SMYD3: variants seen among roughly 807,000 people sequenced by gnomAD.
SMYD3 encodes histone-lysine N-methyltransferase SMYD3.
Under a neutral mutation model 57.7 loss-of-function variants are expected in SMYD3, and 36 were observed. The observed-to-expected ratio is 0.62, with a 90% CI of 0.48 to 0.82. The LOEUF (loss-of-function observed/expected upper bound fraction) is 0.82, where lower values mean the gene tolerates loss of function less well. Among genes scored for constraint, SMYD3 ranks in the 40% least tolerant of loss-of-function variants. The pLI is 0.00. For missense variants in SMYD3, 515 were observed against 538.8 expected (o/e 0.96, Z 0.44); for synonymous variants, 211 against 195.0 (o/e 1.08, Z -0.68).
chr1:246,019,735 T>A (rs1172397784), intron 5 of SMYD3, among the ~76,000 whole-genome samples: 1 of 152,098 alleles, frequency 6.6e-6, no homozygotes, highest in Admixed American at 6.5e-5. Flanking sequence ...TTTTTTCAAA[T>A]CCTATAAGGC....
chr1:246,495,256 G>A (rs1037756555), intron 1 of SMYD3, among the ~76,000 whole-genome samples: 1 of 148,936 alleles, frequency 6.7e-6, no homozygotes, highest in Admixed American at 6.9e-5. Context: ...GGCTGAGGCA[G>A]GAGAATGGCA....
intron 5 of SMYD3, among the ~76,000 whole-genome samples, chr1:246,307,512 C>A (rs1393070408): frequency 1.3e-5 from 2 of 149,486 alleles, no homozygotes; most frequent in Non-Finnish European, 3.0e-5. Context: ...CTCCGCCTCC[C>A]GGGTTCACGC....
At chr1:246,247,469 A>C (rs56157420) in intron 5 of SMYD3, among the ~76,000 whole-genome samples, 19,332 of 127,488 alleles carry the variant, frequency 0.15, 1,433 homozygotes, top group Middle Eastern at 0.29. Flanking sequence ...CTCTCTCTAT[A>C]TATATATATA....
chr1:245,852,677 C>G (rs1240104162), intron 10 of SMYD3, among the ~76,000 whole-genome samples: 1 of 152,166 alleles, frequency 6.6e-6, no homozygotes, highest in African/African-American at 2.4e-5. Context: ...CCCTCTTTCT[C>G]TATTTTCCCC....
chr1:246,091,173 T>C (rs2060817233), intron 5 of SMYD3, among the ~76,000 whole-genome samples: 1 of 152,158 alleles, frequency 6.6e-6, no homozygotes, highest in Non-Finnish European at 1.5e-5. Context: ...CCAGCACCCA[T>C]GGGTTGCTGG....
chr1:245,984,886 C>G (rs996387918), intron 5 of SMYD3, among the ~76,000 whole-genome samples: 3 of 152,136 alleles, frequency 2.0e-5, no homozygotes, highest in Non-Finnish European at 1.5e-5. Context: ...AGAATGTTCT[C>G]CATACACCAC....
At chr1:246,470,500 A>T (rs1249594840) in intron 1 of SMYD3, among the ~76,000 whole-genome samples, 2 of 49,874 alleles carry the variant, frequency 4.0e-5, no homozygotes, top group Non-Finnish European at 1.0e-4. Context: ...GTCTAAAAAT[A>T]AAAAAAAATT....
chr1:246,317,948 T>C (rs1209322227), intron 5 of SMYD3, among the ~76,000 whole-genome samples: 1 of 152,214 alleles, frequency 6.6e-6, no homozygotes, highest in Non-Finnish European at 1.5e-5. Flanking sequence ...TTATTCATCA[T>C]TCCTTGAAGA....
chr1:246,505,755 C>T (rs1225791565), intron 1 of SMYD3, among the ~76,000 whole-genome samples: 1 of 152,228 alleles, frequency 6.6e-6, no homozygotes, highest in Non-Finnish European at 1.5e-5. Flanking sequence ...GTTTGTGTAG[C>T]TTATTTTGGA....
intron 5 of SMYD3, among the ~76,000 whole-genome samples, chr1:246,291,649 A>G (rs1279599778): frequency 6.6e-6 from 1 of 152,220 alleles, no homozygotes; most frequent in Non-Finnish European, 1.5e-5. Context: ...ATATGTCTGG[A>G]CCTATGTTCA....
intron 5 of SMYD3, among the ~76,000 whole-genome samples, chr1:245,941,439 G>C (rs1163762921): frequency 1.3e-5 from 2 of 152,178 alleles, no homozygotes; most frequent in African/African-American, 2.4e-5. Context: ...CACGTACAAA[G>C]GGAAGCCCAT....
chr1:245,880,366 C>CCTGG (rs1290246510), intron 8 of SMYD3, among the ~76,000 whole-genome samples: 1 of 152,138 alleles, frequency 6.6e-6, no homozygotes, highest in African/African-American at 2.4e-5. Flanking sequence ...TATATAGGTT[C>CCTGG]CTGGCTGGCT....
At chr1:246,378,666 T>C (rs570562223) in intron 1 of SMYD3, among the ~76,000 whole-genome samples, 59 of 86,744 alleles carry the variant, frequency 6.8e-4, no homozygotes, top group African/African-American at 1.1e-3. Context: ...CACACACACA[T>C]ATATATATAC....
intron 1 of SMYD3, among the ~76,000 whole-genome samples, chr1:246,490,585 G>A (rs190912054): frequency 3.9e-5 from 6 of 152,254 alleles, no homozygotes; most frequent in East Asian, 1.9e-4. Context: ...CCGACCAATC[G>A]CTGAGGGCTG....
At chr1:246,103,399 G>A (rs1404604477) in intron 5 of SMYD3, among the ~76,000 whole-genome samples, 1 of 151,664 alleles carries the variant, frequency 6.6e-6, no homozygotes, top group African/African-American at 2.4e-5. Flanking sequence ...TTCATCCACA[G>A]GAAAACATGT....
At chr1:246,467,141 G>A (rs1189964583) in intron 1 of SMYD3, among the ~76,000 whole-genome samples, 1 of 152,094 alleles carries the variant, frequency 6.6e-6, no homozygotes, top group Non-Finnish European at 1.5e-5. Flanking sequence ...CTGCACTCCA[G>A]CCTTGGCGAC....
intron 1 of SMYD3, among the ~76,000 whole-genome samples, chr1:246,356,499 G>A (rs1468281852): frequency 6.6e-6 from 1 of 152,114 alleles, no homozygotes; most frequent in Admixed American, 6.6e-5. Context: ...AGCTAATCAA[G>A]GAGGCACCAG....
At chr1:246,077,716 C>T (rs1050080707) in intron 5 of SMYD3, among the ~76,000 whole-genome samples, 14 of 151,894 alleles carry the variant, frequency 9.2e-5, no homozygotes, top group African/African-American at 2.7e-4. Context: ...CCCATTCTGG[C>T]GTAGATGCCA....
intron 5 of SMYD3, among the ~76,000 whole-genome samples, chr1:246,141,608 G>C (rs2061756902): frequency 6.6e-6 from 1 of 152,110 alleles, no homozygotes; most frequent in Admixed American, 6.5e-5. Flanking sequence ...ACTGTGGTAA[G>C]TCCTTTACAG....
Sources: gnomAD v4.1 joint callset for allele counts (sites outside exome capture counted in the v4.1 genomes callset) on GRCh38, gnomAD v4.1.1 for gene constraint, MANE v1.5 for transcripts, NCBI Gene and HGNC (gene_info 2026-07-23, HGNC 2026-07-21) for gene names.